Variants in STUM observed in about 807,000 individuals in gnomAD.
STUM encodes stum, mechanosensory transduction mediator homolog.
STUM carries 8 observed loss-of-function variants against 15.3 expected under a neutral mutation model. The observed-to-expected ratio is 0.52, with a 90% confidence interval of 0.31 to 0.94. The LOEUF is 0.94. STUM is among the 40% of genes least tolerant of loss of function. The probability of loss-of-function intolerance (pLI) is 0.05; values close to 1 mark genes in which losing one functional copy is unlikely to be tolerated. For missense variants in STUM, 142 were observed against 204.9 expected (o/e 0.69, Z 1.87); for synonymous variants, 78 against 88.7 (o/e 0.88, Z 0.68).
At chr1:226,601,937 G>A (rs2102715323) in intron 3 of STUM, 69 bp from the exon 4 acceptor site, 2 of 1,392,896 alleles carry the variant, frequency 1.4e-6, no homozygotes, top group Admixed American at 1.7e-5. Flanking sequence ...TCTGGGCTAG[G>A]GGCACCTCCT....
chr1:226,554,478 AG>A (rs1405675560), intron 1 of STUM, among the ~76,000 whole-genome samples: 5 of 152,210 alleles, frequency 3.3e-5, no homozygotes, highest in Admixed American at 2.6e-4. Flanking sequence ...GAACTGAAAT[AG>A]TTGATGTGTT....
chr1:226,596,970 T>TCATCCTTGCCAGTGA lies in STUM; in HGVS notation c.372_382+4dup, dbSNP rs1252738174. 4 of 1,614,008 alleles carry TCATCCTTGCCAGTGA rather than the reference T, an allele frequency of 2.5e-6. No individual in the cohort carries two copies. The highest frequency in any genetic ancestry group is 3.4e-6 in the Non-Finnish European group (4 of 1,179,954). On this transcript the variant is annotated inframe_insertion, in exon 2 of 4. Coordinates refer to ENST00000366788, the MANE Select transcript of STUM (RefSeq NM_001003665.4). ...AGCATCTTCTGGGGCATGGACATGG[T>TCATCCTTGCCAGTGA]CATCCTTGCCAGTGAGTAGCTGTTG...
At chr1:226,560,465 G>A (rs527789652) in intron 1 of STUM, among the ~76,000 whole-genome samples, 1 of 152,332 alleles carries the variant, frequency 6.6e-6, no homozygotes. Flanking sequence ...ACATTGTTTC[G>A]ATGATTGTCA....
chr1:226,574,567 C>G (rs1342093748), intron 1 of STUM, among the ~76,000 whole-genome samples: 1 of 152,290 alleles, frequency 6.6e-6, no homozygotes, highest in South Asian at 2.1e-4. Context: ...GTATCATGTG[C>G]CCACCTTGGG....
chr1:226,578,344 C>T (rs12077517), intron 1 of STUM, among the ~76,000 whole-genome samples: 10,152 of 148,216 alleles, frequency 0.068, 440 homozygotes, highest in South Asian at 0.21. Context: ...CCCACACCAC[C>T]GCCCCAACCC....
In STUM at chr1:226,549,515, T is replaced by C. The variant is rs1325064990; in HGVS notation, c.202+409T>C. On this transcript the variant is annotated intron_variant, in intron 1 of 3. Transcript: ENST00000366788. The surrounding 1 kb of genome is among the most constrained non-coding windows in gnomAD (Gnocchi z 6.8). ...AATGGGGTCGGATCAGAATGAGCTCTAGGGCCTCGGCGGCGAGGATCAAAC... is the reference window on the plus strand; with the variant it reads ...AATGGGGTCGGATCAGAATGAGCTCCAGGGCCTCGGCGGCGAGGATCAAAC... 1.3e-5 allele frequency among the ~76,000 whole-genome samples: 2 copies of C among 152,004 alleles called. No individual in the cohort carries two copies. Among genetic ancestry groups the C allele is most frequent in the Non-Finnish European group, 1.5e-5 (1 of 67,984 alleles).
chr1:226,581,522 C>G (rs1057276964), intron 1 of STUM, among the ~76,000 whole-genome samples: 6 of 152,216 alleles, frequency 3.9e-5, no homozygotes, highest in African/African-American at 1.4e-4. Context: ...CACTTGGTGA[C>G]AGGGCAAGAG....
chr1:226,593,620 C>G (rs1157984414), intron 1 of STUM, among the ~76,000 whole-genome samples: 1 of 152,170 alleles, frequency 6.6e-6, no homozygotes, highest in Non-Finnish European at 1.5e-5. Context: ...CCAACCTCAT[C>G]CCCCAGAAAG....
intron 1 of STUM, among the ~76,000 whole-genome samples, chr1:226,563,144 A>G (rs1475026938): frequency 6.6e-6 from 1 of 152,234 alleles, no homozygotes; most frequent in Non-Finnish European, 1.5e-5. Context: ...GTTTGATACT[A>G]TTTTAAAATA....
chr1:226,601,151 G>T (rs1395916323), intron 3 of STUM, among the ~76,000 whole-genome samples: 1 of 151,932 alleles, frequency 6.6e-6, no homozygotes, highest in Non-Finnish European at 1.5e-5. Flanking sequence ...TTTTGAGACA[G>T]AGTCTTGCTG....
intron 1 of STUM, among the ~76,000 whole-genome samples, chr1:226,584,143 G>T (rs1367011954): frequency 6.6e-6 from 1 of 152,246 alleles, no homozygotes; most frequent in African/African-American, 2.4e-5. Context: ...TGACTCGATG[G>T]TTGAGGACTG....
chr1:226,556,800 A>C (rs1558277157), intron 1 of STUM, among the ~76,000 whole-genome samples: 1 of 152,222 alleles, frequency 6.6e-6, no homozygotes, highest in Non-Finnish European at 1.5e-5. Context: ...AGAACAGGTT[A>C]TTGTTACCAA....
At chr1:226,580,618 A>G (rs1032043071) in intron 1 of STUM, among the ~76,000 whole-genome samples, 6 of 152,080 alleles carry the variant, frequency 3.9e-5, no homozygotes, top group African/African-American at 1.4e-4. Flanking sequence ...ACTCACCCTG[A>G]GGTCTCTCCT....
intron 1 of STUM, among the ~76,000 whole-genome samples, chr1:226,550,079 C>T (rs984694791): frequency 2.0e-5 from 3 of 152,218 alleles, no homozygotes; most frequent in Non-Finnish European, 4.4e-5. Context: ...GAACCAGGCG[C>T]CCCAGTGCCC....
At chr1:226,584,007 C>T (rs111462380) in intron 1 of STUM, among the ~76,000 whole-genome samples, 8 of 150,534 alleles carry the variant, frequency 5.3e-5, no homozygotes, top group African/African-American at 1.7e-4. Flanking sequence ...TTTAGTGGTG[C>T]GAAAAAAAAA....
chr1:226,578,359 C>CTT (rs34568214), intron 1 of STUM, among the ~76,000 whole-genome samples: 504 of 67,226 alleles, frequency 7.5e-3, no homozygotes, highest in Non-Finnish European at 9.7e-3. Context: ...CAACCCCCAG[C>CTT]TTTTTTTTTT....
intron 1 of STUM, among the ~76,000 whole-genome samples, chr1:226,551,216 C>T (rs907228188): frequency 2.6e-5 from 4 of 152,104 alleles, no homozygotes; most frequent in Non-Finnish European, 5.9e-5. Context: ...TGTCTCTTGG[C>T]GTTGCTGAGA....
rs1412825183 is a variant in STUM, at chr1:226,600,555, C to A, written c.383-111C>A. 1.9e-5 allele frequency: 25 copies of A among 1,334,404 alleles called. No individual in the cohort carries two copies. The South Asian group carries it at 2.8e-4, about 15-fold the overall frequency. 82.7% of individuals were successfully genotyped at this position (1,334,404 alleles called of 1,614,324 possible). ...CCATCTCCCAGGCCTCACCATGGAT[C>A]TGCTTTGTTTCCTGTGCCAAGCGTT... On this transcript the variant is annotated intron_variant, in intron 2 of 3. Transcript: ENST00000366788. This position sits in a 1 kb window ranked among gnomAD's most constrained non-coding sequence, Gnocchi z 5.2.
At chr1:226,554,920 C>A (rs576044650) in intron 1 of STUM, among the ~76,000 whole-genome samples, 1 of 152,260 alleles carries the variant, frequency 6.6e-6, no homozygotes, top group East Asian at 1.9e-4. Flanking sequence ...TTTTTGCCTC[C>A]ATCACTCACT....
Sources: allele counts gnomAD v4.1 joint callset (sites outside exome capture counted in the v4.1 genomes callset), GRCh38; gene constraint gnomAD v4.1.1; non-coding constraint Gnocchi (gnomAD v3.1); transcripts MANE v1.5; gene names NCBI Gene and HGNC (gene_info 2026-07-23, HGNC 2026-07-21).